Variants in JPH3 observed in about 807,000 individuals in gnomAD.
JPH3 encodes junctophilin-3.
Under a neutral mutation model 59.6 loss-of-function variants are expected in JPH3, and 11 were observed. The ratio of observed to expected loss-of-function variants is 0.18; its 90% CI spans 0.12 to 0.31. JPH3 has a LOEUF of 0.31. Among genes scored for constraint, JPH3 ranks in the 10% least tolerant of loss-of-function variants. The pLI is 1.00. For missense variants in JPH3, 1,202 were observed against 1,105.7 expected (o/e 1.09, Z -1.24); for synonymous variants, 673 against 483.6 (o/e 1.39, Z -5.14).
chr16:87,605,557 C>A (rs79464812), intron 1 of JPH3, among the ~76,000 whole-genome samples: 1 of 152,148 alleles, frequency 6.6e-6, no homozygotes, highest in African/African-American at 2.4e-5. Flanking sequence ...TGTGGCTGGC[C>A]GTGTAGTTTA....
chr16:87,625,960 C>T (rs1168912049), intron 1 of JPH3, among the ~76,000 whole-genome samples: 2 of 152,232 alleles, frequency 1.3e-5, no homozygotes, highest in Non-Finnish European at 2.9e-5. Context: ...TTCCACGGGA[C>T]AGGCCAGGGG....
chr16:87,641,989 G>T (rs1427811572), intron 1 of JPH3, among the ~76,000 whole-genome samples: 1 of 152,226 alleles, frequency 6.6e-6, no homozygotes, highest in Middle Eastern at 3.2e-3. Flanking sequence ...TGGAGGAGGG[G>T]TGGGGCTGGC....
At chr16:87,673,082 G>A (rs143695551) in intron 2 of JPH3, among the ~76,000 whole-genome samples, 103 of 152,158 alleles carry the variant, frequency 6.8e-4, no homozygotes, top group African/African-American at 2.3e-3. Context: ...GGAGGCGGAG[G>A]TTGCAGTGGG....
At chr16:87,671,935 A>G (rs1330085052) in intron 2 of JPH3, among the ~76,000 whole-genome samples, 1 of 152,230 alleles carries the variant, frequency 6.6e-6, no homozygotes, top group East Asian at 1.9e-4. Context: ...CAGTTTTTAG[A>G]TAAATGCACC....
intron 1 of JPH3, among the ~76,000 whole-genome samples, chr16:87,637,025 C>T (rs926703375): frequency 2.0e-5 from 3 of 152,194 alleles, no homozygotes; most frequent in Non-Finnish European, 2.9e-5. Flanking sequence ...AAGGCCCTGT[C>T]GGCCACGGGA....
At chr16:87,675,273 C>G (rs910296665) in intron 2 of JPH3, among the ~76,000 whole-genome samples, 1 of 151,642 alleles carries the variant, frequency 6.6e-6, no homozygotes, top group Non-Finnish European at 1.5e-5. Flanking sequence ...TTGCCAACTC[C>G]TCCTGCCTCC....
intron 1 of JPH3, among the ~76,000 whole-genome samples, chr16:87,639,306 C>G (rs4843645): frequency 0.026 from 3,950 of 151,786 alleles, 187 homozygotes; most frequent in Admixed American, 0.13. Flanking sequence ...GGGATTCGAA[C>G]TCAAGTCTGT....
intron 4 of JPH3, chr16:87,696,192 C>T (rs550488796): frequency 1.5e-4 from 69 of 452,300 alleles, no homozygotes; most frequent in South Asian, 1.1e-3. Context: ...TCTGAGGTCC[C>T]AGTTCCACAG....
At chr16:87,636,616 C>CA (rs1478298761) in intron 1 of JPH3, among the ~76,000 whole-genome samples, 3 of 152,212 alleles carry the variant, frequency 2.0e-5, no homozygotes, top group Non-Finnish European at 2.9e-5. Flanking sequence ...CGCAGGCAGT[C>CA]ACGGCAGAAC....
intron 1 of JPH3, among the ~76,000 whole-genome samples, chr16:87,630,960 A>G (rs936187910): frequency 6.6e-6 from 1 of 152,224 alleles, no homozygotes; most frequent in Non-Finnish European, 1.5e-5. Flanking sequence ...GAGCCAGGCA[A>G]TGGAGTCTGA....
At chr16:87,676,563 G>A (rs1487034622) in intron 2 of JPH3, among the ~76,000 whole-genome samples, 2 of 151,944 alleles carry the variant, frequency 1.3e-5, no homozygotes, top group East Asian at 1.9e-4. Flanking sequence ...GTGAAACCCC[G>A]TCTCTCCTAA....
At chr16:87,689,608 G>C in intron 3 of JPH3, 38 bp from the exon 4 acceptor site, 1 of 1,599,104 alleles carries the variant, frequency 6.3e-7, no homozygotes, top group Non-Finnish European at 8.5e-7. Flanking sequence ...GAATGTGCTG[G>C]GTAACGCCGT....
At chr16:87,632,536 C>T (rs2031597013) in intron 1 of JPH3, among the ~76,000 whole-genome samples, 1 of 152,210 alleles carries the variant, frequency 6.6e-6, no homozygotes, top group African/African-American at 2.4e-5. Flanking sequence ...ATCTCCTGGG[C>T]TCCAGCCCCT....
Position 87,690,396 on chromosome 16 carries a change from C to G in JPH3, c.2036C>G (p.Ala679Gly). 6.6e-7 allele frequency: 1 copy of G among 1,515,364 alleles called. No homozygotes were observed. Among genetic ancestry groups the G allele is most frequent in the Non-Finnish European group, 8.8e-7 (1 of 1,134,010 alleles). The allele number at this position is 1,515,364 out of a possible 1,614,324, so 93.9% of individuals were successfully genotyped here. The change falls in exon 4 of 5, where the codon GCG (alanine) becomes GGG (glycine). Residue 679 changes from alanine (A) to glycine (G), a missense_variant. Ala to Gly is a moderately conservative substitution (Grantham distance 60, BLOSUM62 0). Coordinates refer to ENST00000284262, the MANE Select transcript of JPH3 (RefSeq NM_020655.4). The stretch of plus-strand genomic sequence containing the variant: ...GCGGAGCCCGCCGTGCAGAAACTGG[C>G]GAGCCTGCGGCTGGGCGGGGCCGAG... Reference protein sequence around the residue: ...SSAEPAVQKLASLRLGGAEPR... With the variant: ...SSAEPAVQKLGSLRLGGAEPR...
intron 1 of JPH3, among the ~76,000 whole-genome samples, chr16:87,643,257 T>C (rs1055323825): frequency 6.9e-4 from 105 of 152,360 alleles, no homozygotes; most frequent in African/African-American, 2.5e-3. Flanking sequence ...TTCCATCGTA[T>C]GGACGGACCG....
chr16:87,652,347 T>G (rs1215548888), intron 2 of JPH3, among the ~76,000 whole-genome samples: 1 of 152,248 alleles, frequency 6.6e-6, no homozygotes, highest in Admixed American at 6.5e-5. Context: ...GATCCTCCAT[T>G]GAAGGCTCAG....
In JPH3 at chr16:87,696,709, T is replaced by C. The variant is rs1172505078; in HGVS notation, c.*49T>C. 6.7e-7 allele frequency: 1 copy of C among 1,484,500 alleles called. No homozygotes were observed. 92.0% of individuals were successfully genotyped at this position (1,484,500 alleles called of 1,614,324 possible). A position where few individuals can be genotyped will look rare whatever the true frequency, so the allele number is the denominator to read the frequency against. On this transcript the variant is annotated 3_prime_UTR_variant, in exon 5 of 5. Transcript: ENST00000284262. Reference sequence around the variant, plus strand: ...AGAGAAAGGGTAGAAAAAAGGGACATTAAAATTAAAAGCAAAACCACAAGA... The same window carrying C: ...AGAGAAAGGGTAGAAAAAAGGGACACTAAAATTAAAAGCAAAACCACAAGA...
intron 2 of JPH3, among the ~76,000 whole-genome samples, chr16:87,679,888 G>A (rs543178368): frequency 6.6e-6 from 1 of 152,252 alleles, no homozygotes; most frequent in African/African-American, 2.4e-5. Context: ...TGGGAGGAGG[G>A]TGCCTGTGTG....
chr16:87,623,456 T>A (rs1444919544), intron 1 of JPH3, among the ~76,000 whole-genome samples: 1 of 152,222 alleles, frequency 6.6e-6, no homozygotes, highest in African/African-American at 2.4e-5. Flanking sequence ...ACATGCCGTT[T>A]CCATGAGTGA....
Sources: allele counts gnomAD v4.1 joint callset (sites outside exome capture counted in the v4.1 genomes callset), GRCh38; gene constraint gnomAD v4.1.1; transcripts MANE v1.5; gene names NCBI Gene and HGNC (gene_info 2026-07-23, HGNC 2026-07-21).